The following MEIOSIN variants were observed in gnomAD, a reference collection of about 807,000 sequenced individuals.
MEIOSIN encodes the protein meiosis initiator protein.
MEIOSIN carries 18 observed loss-of-function variants against 23.4 expected under a neutral mutation model. That is an observed-to-expected ratio of 0.77 (90% CI 0.53 to 1.14). The LOEUF is 1.14. Ranked by LOEUF, MEIOSIN falls within the 50% of genes most tolerant of loss-of-function variation. MEIOSIN has a pLI of 0.00. For missense variants in MEIOSIN, 428 were observed against 242.9 expected (o/e 1.76, Z -5.07); for synonymous variants, 187 against 100.6 (o/e 1.86, Z -5.14).
chr19:45,756,060 A>G lies in MEIOSIN; in HGVS notation c.893A>G (p.Lys298Arg). ...GTGGCGAGGATCCATTTTCTCAACA[A>G]GACCCAGCCCCATCCCAGGTAAGGG... ...EDVARIHFLN[K>R]TQPHPRQKLV... is the part of the protein sequence containing the mutation. The change falls in exon 8 of 15, where the codon AAG (lysine) becomes AGG (arginine). Residue 298 changes from lysine to arginine, a missense_variant. Physicochemically the swap from Lys to Arg is conservative, Grantham distance 26. Coordinates refer to ENST00000457052, the MANE Select transcript of MEIOSIN (RefSeq NM_001310124.2). 1.4e-6 allele frequency: 1 copy of G among 702,866 alleles called. No homozygotes were observed. Among genetic ancestry groups the G allele is most frequent in the Non-Finnish European group, 2.6e-6 (1 of 384,980 alleles). The allele number at this position is 702,866 out of a possible 1,614,324, so 43.5% of individuals were successfully genotyped here.
intron 3 of MEIOSIN, among the ~76,000 whole-genome samples, chr19:45,741,593 C>T (rs1968505151): frequency 6.6e-6 from 1 of 151,956 alleles, no homozygotes; most frequent in South Asian, 2.1e-4. Flanking sequence ...TGCCTGTAAT[C>T]CCAGCTACTT....
Position 45,759,286 on chromosome 19 carries a change from T to C in MEIOSIN, c.1169-128T>C, listed in dbSNP as rs1432123259. On this transcript the variant is annotated intron_variant, in intron 10 of 14. Transcript: ENST00000457052. ...GTGGGCTGTGAGCGGGATTTGGACCTAGGGTGGGAGATCCTGAAGGAGAAC... is the reference window on the plus strand; with the variant it reads ...GTGGGCTGTGAGCGGGATTTGGACCCAGGGTGGGAGATCCTGAAGGAGAAC... The C allele has an allele frequency of 7.7e-6, 5 of 651,360 alleles. No homozygotes were observed. The Admixed American group carries it at 1.1e-4, about 15-fold the overall frequency. 40.3% of individuals were successfully genotyped at this position (651,360 alleles called of 1,614,324 possible).
intron 11 of MEIOSIN, 55 bp downstream of exon 11, chr19:45,759,545 C>G (rs934316543): frequency 1.4e-6 from 1 of 698,582 alleles, no homozygotes. Context: ...TTTCCACACA[C>G]GTCACTCATG....
chr19:45,754,302 A>G (rs1349401860), intron 6 of MEIOSIN, among the ~76,000 whole-genome samples, 177 bp from the exon 7 acceptor site: 3 of 152,172 alleles, frequency 2.0e-5, no homozygotes, highest in Non-Finnish European at 2.9e-5. Context: ...TCGCAAGATG[A>G]TTCTGACAGG....
chr19:45,763,102 C>T (rs1372888619), intron 13 of MEIOSIN, among the ~76,000 whole-genome samples: 1 of 152,218 alleles, frequency 6.6e-6, no homozygotes. Flanking sequence ...ACAGCTAGTT[C>T]CTTTACAGGA....
rs1184569707 is a variant in MEIOSIN at position 45,735,284 on chromosome 19, A to G, written c.1-93A>G. 8 of 672,978 alleles carry G rather than the reference A, an allele frequency of 1.2e-5. No homozygotes were observed. In the East Asian group the frequency reaches 2.2e-4, roughly 18 times the overall value. The allele number at this position is 672,978 out of a possible 1,614,324, so 41.7% of individuals were successfully genotyped here. On this transcript the variant is annotated intron_variant, in intron 1 of 14. Transcript: ENST00000457052. The stretch of plus-strand genomic sequence containing the variant: ...GGGATCTCTGGGTGCTCAAAGGAGC[A>G]TCATAGGGAAGATGAAGGGTGCCCA...
Position 45,764,458 on chromosome 19 carries a change from C to G in MEIOSIN, c.*340C>G, listed in dbSNP as rs371741869. On this transcript the variant is annotated 3_prime_UTR_variant, in exon 15 of 15. Transcript: ENST00000457052. The stretch of plus-strand genomic sequence containing the variant: ...GCAACCCTGTTCATGCTCACCTCAC[C>G]CTACTCCTCCCTCTCCTGTTCTATT... 26 of 262,940 alleles carry G rather than the reference C, an allele frequency of 9.9e-5. No individual in the cohort carries two copies. The South Asian group carries it at 4.3e-3, about 43-fold the overall frequency. The allele number at this position is 262,940 out of a possible 1,614,324, so 16.3% of individuals were successfully genotyped here. A position where few individuals can be genotyped will look rare whatever the true frequency, so the allele number is the denominator to read the frequency against.
chr19:45,747,790 A>G (rs1337007379), intron 4 of MEIOSIN, among the ~76,000 whole-genome samples: 1 of 152,160 alleles, frequency 6.6e-6, no homozygotes, highest in Non-Finnish European at 1.5e-5. Context: ...AGAGACAGAG[A>G]GAAAGAGAGA....
At chr19:45,762,663 A>G (rs1421482328) in intron 13 of MEIOSIN, among the ~76,000 whole-genome samples, 3 of 152,156 alleles carry the variant, frequency 2.0e-5, no homozygotes, top group Non-Finnish European at 2.9e-5. Flanking sequence ...CTGGTCTCGA[A>G]TGCCTCACCT....
intron 7 of MEIOSIN, among the ~76,000 whole-genome samples, chr19:45,755,443 C>CCA (rs1288903131): frequency 6.7e-6 from 1 of 149,676 alleles, no homozygotes; most frequent in African/African-American, 2.5e-5. Flanking sequence ...GGCACTGTGC[C>CCA]GGGCCCATTA....
chr19:45,742,168 G>T lies in MEIOSIN; in HGVS notation c.176+2438G>T, dbSNP rs147854958. On this transcript the variant is annotated intron_variant, in intron 3 of 14. Transcript: ENST00000457052. ...TGGGATTACAGGCGTGAGCCACCAC[G>T]CCCAGCTTAAAAGTTTTTTGTAGAT... Among the ~76,000 whole-genome samples the T allele has an allele frequency of 5.2e-3, 780 of 151,374 alleles. 8 individuals carry two copies. Among genetic ancestry groups the T allele is most frequent in the African/African-American group, 0.018 (741 of 41,258 alleles).
intron 4 of MEIOSIN, among the ~76,000 whole-genome samples, chr19:45,748,056 C>A (rs993435913): frequency 2.9e-4 from 44 of 151,954 alleles, no homozygotes; most frequent in Non-Finnish European, 5.1e-4. Flanking sequence ...TGCACTCCAG[C>A]CTGAGCAACA....
Position 45,738,729 on chromosome 19 carries a change from G to A in MEIOSIN, c.72-897G>A, listed in dbSNP as rs73560926. Among the ~76,000 whole-genome samples the A allele has an allele frequency of 3.5e-3, 535 of 152,318 alleles. 1 individual carries two copies. Among genetic ancestry groups the A allele is most frequent in the African/African-American group, 0.012 (507 of 41,576 alleles). ...ATGGCTTTCACACCATTGTAAAGTCGAAAAATGTTAAGTCCGACTGTTGTA... is the reference window on the plus strand; with the variant it reads ...ATGGCTTTCACACCATTGTAAAGTCAAAAAATGTTAAGTCCGACTGTTGTA... On this transcript the variant is annotated intron_variant, in intron 2 of 14. Transcript: ENST00000457052.
chr19:45,762,840 A>G (rs937368805), intron 13 of MEIOSIN, among the ~76,000 whole-genome samples: 1 of 152,118 alleles, frequency 6.6e-6, no homozygotes, highest in Non-Finnish European at 1.5e-5. Context: ...GGCTGTCTGG[A>G]ATCTTTGTCC....
intron 3 of MEIOSIN, among the ~76,000 whole-genome samples, chr19:45,744,202 T>C (rs1165404173): frequency 1.3e-5 from 2 of 151,760 alleles, no homozygotes; most frequent in African/African-American, 4.8e-5. Context: ...GTATTTTTAG[T>C]AGAGATGGGT....
At chr19:45,743,779 C>T (rs1968545318) in intron 3 of MEIOSIN, among the ~76,000 whole-genome samples, 1 of 152,166 alleles carries the variant, frequency 6.6e-6, no homozygotes, top group African/African-American at 2.4e-5. Flanking sequence ...ACTTCAGCTT[C>T]CCAAAGTGCT....
At chr19:45,752,923 T>C (rs1007173439) in intron 5 of MEIOSIN, among the ~76,000 whole-genome samples, 5 of 143,836 alleles carry the variant, frequency 3.5e-5, no homozygotes, top group Non-Finnish European at 6.0e-5. Context: ...CTTCTTCTTT[T>C]TTTTTTTTTT....
At chr19:45,759,082 G>A (rs942972355) in intron 10 of MEIOSIN, 49 bp downstream of exon 10, 20 of 702,240 alleles carry the variant, frequency 2.8e-5, no homozygotes, top group Admixed American at 6.0e-5. Context: ...GGAAACATAC[G>A]GTGCCCAGGC....
chr19:45,752,483 A>C (rs1968732434), intron 5 of MEIOSIN, among the ~76,000 whole-genome samples: 1 of 152,064 alleles, frequency 6.6e-6, no homozygotes, highest in Non-Finnish European at 1.5e-5. Context: ...CTGGGATGAC[A>C]GATGTGAGCC....
Sources: gnomAD v4.1 joint callset for allele counts (sites outside exome capture counted in the v4.1 genomes callset) on GRCh38, gnomAD v4.1.1 for gene constraint, MANE v1.5 for transcripts, NCBI Gene and HGNC (gene_info 2026-07-23, HGNC 2026-07-21) for gene names.